POLE2: variants seen among roughly 807,000 people sequenced by gnomAD.
POLE2 encodes DNA polymerase epsilon subunit 2.
POLE2 carries 56 observed loss-of-function variants against 79.4 expected under a neutral mutation model. The ratio of observed to expected loss-of-function variants is 0.71; its 90% CI spans 0.57 to 0.88. The LOEUF is 0.88. Ranked by LOEUF, POLE2 falls within the 40% of genes least tolerant of loss-of-function variation. POLE2 has a pLI of 0.00. For synonymous variants in POLE2, 212 were observed against 214.0 expected (o/e 0.99, Z 0.08); for missense variants, 598 against 638.9 (o/e 0.94, Z 0.69).
At position 49,672,719 on chromosome 14, in the gene POLE2, G is replaced by A. The variant is rs1370210351; in HGVS notation, c.417+1404C>T. On this transcript the variant is annotated intron_variant, in intron 5 of 18. Coordinates refer to ENST00000216367, the MANE Select transcript of POLE2 (RefSeq NM_002692.4). Reference sequence around the variant, plus strand: ...TCTCCATGTTGGTCAGGCTGGTCTCGAAATCCCGACCTCAGGTGATCCACC... The same window carrying A: ...TCTCCATGTTGGTCAGGCTGGTCTCAAAATCCCGACCTCAGGTGATCCACC... Among the ~76,000 whole-genome samples, 4 of 151,986 alleles carry A rather than the reference G, an allele frequency of 2.6e-5. No individual in the cohort carries two copies. In the South Asian group the frequency reaches 6.2e-4, roughly 24 times the overall value.
chr14:49,649,676 C>G (rs1055019140), intron 17 of POLE2, among the ~76,000 whole-genome samples: 8 of 151,886 alleles, frequency 5.3e-5, no homozygotes, highest in African/African-American at 1.9e-4. Flanking sequence ...GTCTTGAACT[C>G]CTGACCTCGT....
At chr14:49,646,263 G>A (rs1271376888) in intron 18 of POLE2, among the ~76,000 whole-genome samples, 1 of 150,490 alleles carries the variant, frequency 6.6e-6, no homozygotes, top group Non-Finnish European at 1.5e-5. Context: ...CAATAACCTG[G>A]AGGGGAGTTA....
At chr14:49,667,932 C>T (rs1885601969) in intron 6 of POLE2, among the ~76,000 whole-genome samples, 1 of 152,160 alleles carries the variant, frequency 6.6e-6, no homozygotes, top group East Asian at 1.9e-4. Flanking sequence ...TCCCATCATT[C>T]CATAATAATC....
intron 6 of POLE2, among the ~76,000 whole-genome samples, 197 bp from the exon 7 acceptor site, chr14:49,666,610 A>C (rs1446389133): frequency 1.3e-5 from 2 of 152,278 alleles, no homozygotes; most frequent in South Asian, 4.2e-4. Flanking sequence ...AAGCTGTAAG[A>C]TCAAGTGTAT....
rs370763952 is a variant in POLE2 at position 49,665,137 on chromosome 14, A to C, written c.603T>G (p.Thr201=). 4.9e-6 allele frequency: 7 copies of C among 1,416,524 alleles called. No homozygotes were observed. Among genetic ancestry groups the C allele is most frequent in the Non-Finnish European group, 6.0e-6 (6 of 1,004,648 alleles). The allele number at this position is 1,416,524 out of a possible 1,614,324, so 87.7% of individuals were successfully genotyped here. A position where few individuals can be genotyped will look rare whatever the true frequency, so the allele number is the denominator to read the frequency against. The change falls in exon 8 of 19, where the codon ACT becomes ACG. Residue 201 remains threonine (T), a synonymous_variant. Transcript: ENST00000216367. ...TACTAAGGTCTAGTTGGACTGTTCC[A>C]GTAGGATCTTCCAGAAAAAATTTTC... The part of the protein sequence containing the change: ...KEGKFFLEDP[T]GTVQLDLSKA...
chr14:49,651,698 GAAAA>G (rs1367903723), intron 15 of POLE2, among the ~76,000 whole-genome samples: 1 of 152,070 alleles, frequency 6.6e-6, no homozygotes, highest in Non-Finnish European at 1.5e-5. Flanking sequence ...AAGCATAAGA[GAAAA>G]AGAAAAAGAC....
At chr14:49,655,556 C>T in intron 11 of POLE2, 115 bp downstream of exon 11, 1 of 733,368 alleles carries the variant, frequency 1.4e-6, no homozygotes, top group Non-Finnish European at 2.3e-6. Context: ...TATCTCATTG[C>T]TAACTCTGTT....
intron 15 of POLE2, 128 bp downstream of exon 15, chr14:49,653,862 G>T: frequency 3.3e-6 from 2 of 599,888 alleles, no homozygotes; most frequent in Non-Finnish European, 6.0e-6. Context: ...GCCAAAGCTG[G>T]TCTCGGAACT....
At chr14:49,661,892 A>C (rs1232908566) in intron 10 of POLE2, among the ~76,000 whole-genome samples, 3 of 152,206 alleles carry the variant, frequency 2.0e-5, no homozygotes, top group Non-Finnish European at 2.9e-5. Context: ...AAATGGTATA[A>C]TTTAAGTGGA....
chr14:49,672,294 C>G (rs943709424), intron 5 of POLE2, among the ~76,000 whole-genome samples: 1 of 152,154 alleles, frequency 6.6e-6, no homozygotes, highest in Non-Finnish European at 1.5e-5. Flanking sequence ...ACAAAACCCA[C>G]GAGGTGGTCA....
chr14:49,687,389 G>A (rs1256442545), intron 1 of POLE2, among the ~76,000 whole-genome samples: 1 of 151,466 alleles, frequency 6.6e-6, no homozygotes, highest in East Asian at 1.9e-4. Context: ...GAAATCTTGG[G>A]AAGGTTCATA....
intron 1 of POLE2, among the ~76,000 whole-genome samples, chr14:49,685,326 CTG>C (rs1381591233): frequency 3.3e-5 from 5 of 152,160 alleles, no homozygotes; most frequent in Non-Finnish European, 1.5e-5. Flanking sequence ...AACTTTAAAA[CTG>C]TAACTTAGAA....
intron 5 of POLE2, among the ~76,000 whole-genome samples, chr14:49,673,434 C>A (rs1241034962): frequency 3.9e-5 from 6 of 152,324 alleles, no homozygotes; most frequent in South Asian, 4.1e-4. Flanking sequence ...ATTTTCTCAT[C>A]ATTTCCTGCT....
intron 15 of POLE2, among the ~76,000 whole-genome samples, chr14:49,652,452 C>G (rs1422566105): frequency 6.6e-6 from 1 of 152,008 alleles, no homozygotes; most frequent in Admixed American, 6.6e-5. Context: ...CTGTTAGGAA[C>G]TGGACCACAC....
At chr14:49,656,654 C>T (rs1285757232) in intron 10 of POLE2, among the ~76,000 whole-genome samples, 1 of 152,118 alleles carries the variant, frequency 6.6e-6, no homozygotes. Flanking sequence ...GTAATCTACA[C>T]ACTCCCAGCC....
Position 49,666,729 on chromosome 14 carries a change from GAA to G in POLE2, c.493-318_493-317del, listed in dbSNP as rs202013624. On this transcript the variant is annotated intron_variant, in intron 6 of 18. Coordinates refer to ENST00000216367, the MANE Select transcript of POLE2 (RefSeq NM_002692.4). ...ACATTTATTTTTTAAATATAGAAAAGAATATCAATTTTATTTTCTTTGAACAG... is the reference window on the plus strand; with the variant it reads ...ACATTTATTTTTTAAATATAGAAAAGTATCAATTTTATTTTCTTTGAACAG... Among the ~76,000 whole-genome samples the G allele has an allele frequency of 4.8e-3, 734 of 152,070 alleles. 5 individuals are homozygous for G. The highest frequency in any genetic ancestry group is 0.017 in the African/African-American group (701 of 41,506).
intron 7 of POLE2, among the ~76,000 whole-genome samples, chr14:49,665,677 G>GTTT (rs762726338): frequency 7.5e-6 from 1 of 132,550 alleles, no homozygotes. Context: ...TTTTTTCTGG[G>GTTT]TTTTTTTTTT....
intron 15 of POLE2, among the ~76,000 whole-genome samples, chr14:49,652,814 C>T (rs1884369555): frequency 6.6e-6 from 1 of 151,954 alleles, no homozygotes; most frequent in South Asian, 2.1e-4. Flanking sequence ...ATAAAGTGCA[C>T]AATAAGTGTA....
intron 1 of POLE2, chr14:49,684,580 C>T (rs1047064448): frequency 1.4e-5 from 2 of 147,242 alleles, no homozygotes; most frequent in Non-Finnish European, 3.0e-5. Context: ...CTCCACTTGA[C>T]AAAGATGGAA....
Sources: gnomAD v4.1 joint callset for allele counts (sites outside exome capture counted in the v4.1 genomes callset) on GRCh38, gnomAD v4.1.1 for gene constraint, MANE v1.5 for transcripts, NCBI Gene and HGNC (gene_info 2026-07-23, HGNC 2026-07-21) for gene names.